Variants in AGPS observed in about 807,000 individuals in gnomAD.
The protein encoded by AGPS is alkylglycerone phosphate synthase, also known as alkyldihydroxyacetonephosphate synthase, peroxisomal.
In AGPS, 26 loss-of-function variants were observed where a neutral mutation model predicts 90.7. The ratio of observed to expected loss-of-function variants is 0.29; its 90% CI spans 0.21 to 0.40. The LOEUF (loss-of-function observed/expected upper bound fraction) is 0.40, where lower values mean the gene tolerates loss of function less well. Among genes scored for constraint, AGPS ranks in the 10% least tolerant of loss-of-function variants. The pLI, the probability that AGPS is intolerant of heterozygous loss-of-function variation, is 1.00. For synonymous variants in AGPS, 294 were observed against 285.3 expected (o/e 1.03, Z -0.31); for missense variants, 540 against 816.1 (o/e 0.66, Z 4.12).
chr2:177,430,331 G>A (rs1397878464), intron 2 of AGPS, among the ~76,000 whole-genome samples: 1 of 152,204 alleles, frequency 6.6e-6, no homozygotes, highest in Admixed American at 6.5e-5. Flanking sequence ...TGGATCCCTG[G>A]ATTCAGTCCC....
At chr2:177,521,011 A>G (rs1250077034) in intron 17 of AGPS, among the ~76,000 whole-genome samples, 3 of 152,236 alleles carry the variant, frequency 2.0e-5, no homozygotes, top group African/African-American at 7.2e-5. Context: ...AAGATTGAAT[A>G]TGTACCTATA....
intron 1 of AGPS, among the ~76,000 whole-genome samples, chr2:177,414,463 C>T (rs1430871768): frequency 6.6e-6 from 1 of 152,098 alleles, no homozygotes; most frequent in Non-Finnish European, 1.5e-5. Context: ...CCCACCTTGG[C>T]CTCCCAAAGT....
At chr2:177,473,173 T>C (rs539359392) in intron 10 of AGPS, among the ~76,000 whole-genome samples, 4 of 152,232 alleles carry the variant, frequency 2.6e-5, no homozygotes, top group Non-Finnish European at 5.9e-5. Flanking sequence ...ATTTGAAAGT[T>C]GCAGTGTTTT....
intron 16 of AGPS, among the ~76,000 whole-genome samples, chr2:177,510,111 C>T (rs902733484): frequency 3.3e-5 from 5 of 152,210 alleles, no homozygotes; most frequent in African/African-American, 1.2e-4. Flanking sequence ...GCCTGCTATA[C>T]AGAGCACCTT....
intron 11 of AGPS, among the ~76,000 whole-genome samples, chr2:177,484,413 G>A (rs1009147693): frequency 2.2e-4 from 33 of 150,570 alleles, no homozygotes; most frequent in Admixed American, 9.9e-4. Context: ...GCGCGATCTC[G>A]ATGCGCTGCA....
intron 14 of AGPS, among the ~76,000 whole-genome samples, chr2:177,500,941 T>C (rs1181815284): frequency 6.6e-6 from 1 of 152,148 alleles, no homozygotes. Context: ...CCAGAAGGAA[T>C]TTAGCCCTAT....
chr2:177,465,393 T>C (rs1004153908), intron 9 of AGPS, among the ~76,000 whole-genome samples: 3 of 152,236 alleles, frequency 2.0e-5, no homozygotes, highest in African/African-American at 7.2e-5. Flanking sequence ...GGTGTCACTT[T>C]TTTAGCCAGA....
At chr2:177,507,095 A>G (rs2105719755) in intron 15 of AGPS, among the ~76,000 whole-genome samples, 2 of 152,188 alleles carry the variant, frequency 1.3e-5, no homozygotes, top group South Asian at 4.1e-4. Context: ...GGTTAATACC[A>G]TTGTCTCTAA....
chr2:177,441,338 G>A (rs1686594909), intron 6 of AGPS: 1 of 286,140 alleles, frequency 3.5e-6, no homozygotes. Context: ...TATATTTATG[G>A]AGAGAATTTT....
At chr2:177,393,388 T>G (rs1335205091) in intron 1 of AGPS, 8 of 985,294 alleles carry the variant, frequency 8.1e-6, no homozygotes, top group Non-Finnish European at 9.6e-6. Context: ...GCTGAGGTCT[T>G]GGAATGGGTA....
rs899777758 is a variant in AGPS, at chr2:177,393,443, A to G, written c.260+394A>G. On this transcript the variant is annotated intron_variant, in intron 1 of 19. Transcript: ENST00000264167. ...CCGAGGAGATATAAATTTGTACTAG[A>G]TGATAGATCATAGGAATCTCTCTCA... The G allele has an allele frequency of 6.1e-6, 6 of 985,420 alleles. No individual in the cohort carries two copies. In the African/African-American group the frequency reaches 8.7e-5, roughly 14 times the overall value. The allele number at this position is 985,420 out of a possible 1,614,324, so 61.0% of individuals were successfully genotyped here. A position where few individuals can be genotyped will look rare whatever the true frequency, so the allele number is the denominator to read the frequency against.
chr2:177,442,701 A>T (rs4893952), intron 7 of AGPS, among the ~76,000 whole-genome samples: 5 of 151,772 alleles, frequency 3.3e-5, no homozygotes, highest in African/African-American at 9.7e-5. Flanking sequence ...ACAAAAATTA[A>T]CCGAGTGTGG....
In AGPS at chr2:177,396,537, T is replaced by C. The variant is rs118004515; in HGVS notation, c.260+3488T>C. 4.0e-3 allele frequency among the ~76,000 whole-genome samples: 612 copies of C among 152,220 alleles called. 5 individuals carry two copies. The highest frequency in any genetic ancestry group is 0.032 in the East Asian group (167 of 5,184). ...GGAAGAGACATGATCAGATTGGGTT[T>C]GGGTTTGAGAGAAGTCACTCCAGCT... On this transcript the variant is annotated intron_variant, in intron 1 of 19. Transcript: ENST00000264167.
At chr2:177,521,563 A>T (rs541863566) in intron 18 of AGPS, among the ~76,000 whole-genome samples, 195 bp downstream of exon 18, 1 of 152,352 alleles carries the variant, frequency 6.6e-6, no homozygotes, top group East Asian at 1.9e-4. Flanking sequence ...AAGGTACTGT[A>T]CACCTAGTCT....
intron 2 of AGPS, among the ~76,000 whole-genome samples, chr2:177,431,578 G>A (rs1002876035): frequency 1.3e-5 from 2 of 152,094 alleles, no homozygotes; most frequent in Admixed American, 1.3e-4. Context: ...CAGAGCAGCT[G>A]TTTATAGACG....
chr2:177,431,265 G>A (rs1484300235), intron 2 of AGPS, among the ~76,000 whole-genome samples: 4 of 152,076 alleles, frequency 2.6e-5, no homozygotes, highest in African/African-American at 9.7e-5. Flanking sequence ...GTACAAACAG[G>A]GAGTAGGTCA....
At chr2:177,525,363 C>T (rs757375296) in intron 19 of AGPS, among the ~76,000 whole-genome samples, 10 of 151,958 alleles carry the variant, frequency 6.6e-5, no homozygotes, top group Middle Eastern at 3.2e-3. Context: ...ATGAATTATT[C>T]GTTTGTTTTT....
At chr2:177,465,837 T>C (rs966358177) in intron 9 of AGPS, among the ~76,000 whole-genome samples, 4 of 152,244 alleles carry the variant, frequency 2.6e-5, no homozygotes, top group African/African-American at 7.2e-5. Flanking sequence ...CTCTTTCCTC[T>C]CTTTCCCTCT....
intron 3 of AGPS, among the ~76,000 whole-genome samples, chr2:177,436,070 A>G (rs1386134803): frequency 6.8e-6 from 1 of 147,828 alleles, no homozygotes; most frequent in Non-Finnish European, 1.5e-5. Context: ...ATAAAAATGG[A>G]TTTATTACTT....
Sources: allele counts gnomAD v4.1 joint callset (sites outside exome capture counted in the v4.1 genomes callset), GRCh38; gene constraint gnomAD v4.1.1; transcripts MANE v1.5; gene names NCBI Gene and HGNC (gene_info 2026-07-23, HGNC 2026-07-21).